PRDM16: variants seen among roughly 807,000 people sequenced by gnomAD.
PRDM16 encodes histone-lysine N-methyltransferase PRDM16.
PRDM16 carries 23 observed loss-of-function variants against 110.6 expected under a neutral mutation model. The ratio of observed to expected loss-of-function variants is 0.21; its 90% CI spans 0.15 to 0.29. The LOEUF (loss-of-function observed/expected upper bound fraction) is 0.29. Ranked by LOEUF, PRDM16 falls within the 10% of genes least tolerant of loss-of-function variation. The probability of loss-of-function intolerance (pLI) is 1.00; values close to 1 mark genes in which losing one functional copy is unlikely to be tolerated. For missense variants in PRDM16, 1,615 were observed against 1,794.3 expected, an observed-to-expected ratio of 0.90 and a Z score of 1.81; for synonymous variants, 799 against 781.8, an observed-to-expected ratio of 1.02 and a Z score of -0.37.
chr1:3,376,245 C>T (rs368592438), intron 3 of PRDM16, among the ~76,000 whole-genome samples: 9 of 152,160 alleles, frequency 5.9e-5, no homozygotes, highest in African/African-American at 2.2e-4. Context: ...ACTAGATTTT[C>T]GAAGGTGTCT....
intron 3 of PRDM16, among the ~76,000 whole-genome samples, chr1:3,301,818 G>C (rs1004639691): frequency 2.6e-5 from 4 of 152,202 alleles, no homozygotes; most frequent in African/African-American, 9.7e-5. Flanking sequence ...GTGTTTTCCT[G>C]TGTGCTCCAG....
intron 2 of PRDM16, among the ~76,000 whole-genome samples, chr1:3,197,194 G>A (rs1447695442): frequency 1.6e-4 from 24 of 152,304 alleles, no homozygotes; most frequent in African/African-American, 5.8e-4. Flanking sequence ...GTTATGAACT[G>A]GGCCCCAGGG....
chr1:3,400,335 T>G (rs1159432410), intron 5 of PRDM16, among the ~76,000 whole-genome samples: 1 of 152,202 alleles, frequency 6.6e-6, no homozygotes, highest in Admixed American at 6.5e-5. Context: ...ACCTGCCACG[T>G]GGGGCTCCCA....
intron 3 of PRDM16, among the ~76,000 whole-genome samples, chr1:3,316,723 CAG>C (rs1167028719): frequency 6.6e-6 from 1 of 151,260 alleles, no homozygotes; most frequent in African/African-American, 2.4e-5. Flanking sequence ...AGCCAGGAAA[CAG>C]TGACACGGTG....
intron 1 of PRDM16, among the ~76,000 whole-genome samples, chr1:3,120,232 CCATATCA>C (rs1434632321): frequency 4.6e-5 from 7 of 152,232 alleles, no homozygotes; most frequent in Non-Finnish European, 8.8e-5. Flanking sequence ...CCACACTGGC[CCATATCA>C]CATCGTTCCA....
At chr1:3,186,731 A>G (rs1018055681) in intron 2 of PRDM16, 2 of 452,306 alleles carry the variant, frequency 4.4e-6, no homozygotes, top group Non-Finnish European at 7.8e-6. Flanking sequence ...TCATGAGCTC[A>G]TGTCTTAAAA....
intron 12 of PRDM16, among the ~76,000 whole-genome samples, chr1:3,424,128 G>A (rs1413099944): frequency 6.6e-6 from 1 of 152,198 alleles, no homozygotes; most frequent in Non-Finnish European, 1.5e-5. Flanking sequence ...GCCCCCCAGG[G>A]AGGAGGCTGT....
intron 3 of PRDM16, among the ~76,000 whole-genome samples, chr1:3,364,449 C>G (rs934372433): frequency 1.3e-5 from 2 of 152,160 alleles, no homozygotes; most frequent in African/African-American, 4.8e-5. Context: ...ACGGTGACAC[C>G]CACCCTATCT....
chr1:3,161,966 G>A (rs1643901396), intron 1 of PRDM16, among the ~76,000 whole-genome samples: 2 of 152,168 alleles, frequency 1.3e-5, no homozygotes, highest in Non-Finnish European at 2.9e-5. Flanking sequence ...GCAGCGCTCA[G>A]GGCACTCGGT....
At chr1:3,259,632 C>T (rs1640120258) in intron 3 of PRDM16, among the ~76,000 whole-genome samples, 1 of 152,226 alleles carries the variant, frequency 6.6e-6, no homozygotes, top group Non-Finnish European at 1.5e-5. Flanking sequence ...GAACAGGAGG[C>T]TGGGGCAAGA....
At position 3,320,127 on chromosome 1, in the gene PRDM16, C is replaced by T. The variant is rs572030869; in HGVS notation, c.439-65025C>T. ...AACCGGGCAGGGTGTACACCTACGCCTGCCCTCTACTGTTTGTTAGCTGTA... is the reference window on the plus strand; with the variant it reads ...AACCGGGCAGGGTGTACACCTACGCTTGCCCTCTACTGTTTGTTAGCTGTA... On this transcript the variant is annotated intron_variant, in intron 3 of 16. Coordinates refer to ENST00000270722, the MANE Select transcript of PRDM16 (RefSeq NM_022114.4). 2.7e-4 allele frequency among the ~76,000 whole-genome samples: 41 copies of T among 152,296 alleles called. 2 individuals are homozygous for T. The highest frequency in any genetic ancestry group is 3.4e-3 in the Middle Eastern group (1 of 294).
rs1275217213 is a variant in PRDM16, at chr1:3,437,389, C to T, written c.*3578C>T. On this transcript the variant is annotated 3_prime_UTR_variant, in exon 17 of 17. Transcript: ENST00000270722. ...GTATTTTAGACTCGAAGCCTCAAAGCACTGGATTGTGGTCCCCTGCCCCCT... is the reference window on the plus strand; with the variant it reads ...GTATTTTAGACTCGAAGCCTCAAAGTACTGGATTGTGGTCCCCTGCCCCCT... 5 of 232,040 alleles carry T rather than the reference C, an allele frequency of 2.2e-5. No individual in the cohort carries two copies. Among genetic ancestry groups the T allele is most frequent in the African/African-American group, 1.1e-4 (5 of 45,248 alleles). 14.4% of individuals were successfully genotyped at this position (232,040 alleles called of 1,614,324 possible).
At chr1:3,376,777 C>T (rs1156311192) in intron 3 of PRDM16, among the ~76,000 whole-genome samples, 5 of 151,956 alleles carry the variant, frequency 3.3e-5, no homozygotes, top group Admixed American at 6.6e-5. Context: ...CTCCTCCCAC[C>T]TCCCTCTCAG....
chr1:3,276,670 A>AGGTGCCCTGAACAGAGCCAGCGAGG (rs1553156460), intron 3 of PRDM16, among the ~76,000 whole-genome samples: 1 of 143,862 alleles, frequency 7.0e-6, no homozygotes, highest in Non-Finnish European at 1.5e-5. Flanking sequence ...AGCCAGCTCG[A>AGGTGCCCTGAACAGAGCCAGCGAGG]GGTGCCGTGA....
At chr1:3,391,863 G>A (rs1643306388) in intron 4 of PRDM16, among the ~76,000 whole-genome samples, 1 of 152,264 alleles carries the variant, frequency 6.6e-6, no homozygotes, top group African/African-American at 2.4e-5. Context: ...TAGGGAGAAA[G>A]GAGACCCCTG....
At chr1:3,082,998 C>A (rs192543835) in intron 1 of PRDM16, among the ~76,000 whole-genome samples, 1 of 152,308 alleles carries the variant, frequency 6.6e-6, no homozygotes, top group Admixed American at 6.5e-5. Flanking sequence ...ATCGAGCCCC[C>A]CTGCTGGGAC....
chr1:3,284,596 G>A lies in PRDM16; in HGVS notation c.438+40459G>A, dbSNP rs576771915. ...AGTTCAGCCCTGCAGGGAAAGGGGC[G>A]GCCAGGGGGAGCCCCACACCCTGAG... On this transcript the variant is annotated intron_variant, in intron 3 of 16. Transcript: ENST00000270722. 6.6e-5 allele frequency among the ~76,000 whole-genome samples: 10 copies of A among 152,346 alleles called. No homozygotes were observed. The South Asian group carries it at 1.4e-3, about 22-fold the overall frequency.
chr1:3,365,539 A>G lies in PRDM16; in HGVS notation c.439-19613A>G, dbSNP rs74050338. ...ACAGGACCTGAAAGAGCTCTGGACC[A>G]TGGGGTGATCCATGGGGTTGGTGGT... is the stretch of plus-strand genomic sequence containing the variant. On this transcript the variant is annotated intron_variant, in intron 3 of 16. Transcript: ENST00000270722. 5.8e-3 allele frequency among the ~76,000 whole-genome samples: 876 copies of G among 152,320 alleles called. 9 individuals carry two copies. Among genetic ancestry groups the G allele is most frequent in the African/African-American group, 0.019 (800 of 41,582 alleles).
chr1:3,367,126 G>A (rs989002794), intron 3 of PRDM16, among the ~76,000 whole-genome samples: 9 of 152,164 alleles, frequency 5.9e-5, no homozygotes, highest in African/African-American at 1.7e-4. Context: ...AAAATTACCC[G>A]GGCGTGGTGT....
Sources: gnomAD v4.1 joint callset for allele counts (sites outside exome capture counted in the v4.1 genomes callset) on GRCh38, gnomAD v4.1.1 for gene constraint, MANE v1.5 for transcripts, NCBI Gene and HGNC (gene_info 2026-07-23, HGNC 2026-07-21) for gene names.